KIF16B: variants seen among roughly 807,000 people sequenced by gnomAD.
KIF16B encodes the protein kinesin-like protein KIF16B.
A neutral mutation model predicts 156.3 loss-of-function variants in KIF16B; 98 were observed. The ratio of observed to expected loss-of-function variants is 0.63; its 90% CI spans 0.53 to 0.74. The LOEUF (loss-of-function observed/expected upper bound fraction) is 0.74. KIF16B is among the 30% of genes least tolerant of loss of function. The pLI, the probability that KIF16B is intolerant of heterozygous loss-of-function variation, is 0.00. For synonymous variants in KIF16B, 564 were observed against 583.7 expected (o/e 0.97, Z 0.49); for missense variants, 1,421 against 1,606.5 (o/e 0.88, Z 1.97).
At chr20:16,411,035 C>T (rs189133484) in intron 15 of KIF16B, among the ~76,000 whole-genome samples, 9 of 152,186 alleles carry the variant, frequency 5.9e-5, no homozygotes, top group African/African-American at 9.6e-5. Flanking sequence ...TTGACATACT[C>T]GTCAATAAAT....
chr20:16,533,144 C>A (rs1272962459), intron 1 of KIF16B, among the ~76,000 whole-genome samples: 1 of 152,138 alleles, frequency 6.6e-6, no homozygotes, highest in Non-Finnish European at 1.5e-5. Flanking sequence ...CCCTGAAATC[C>A]TATGTACTGG....
intron 15 of KIF16B, 79 bp downstream of exon 15, chr20:16,427,025 C>A (rs1287955236): frequency 2.8e-5 from 34 of 1,222,830 alleles, no homozygotes; most frequent in Non-Finnish European, 3.7e-5. Flanking sequence ...TTCTAAGATG[C>A]ACATGTTCCC....
intron 25 of KIF16B, among the ~76,000 whole-genome samples, chr20:16,309,092 G>A (rs553191819): frequency 4.9e-4 from 75 of 152,284 alleles, no homozygotes; most frequent in Non-Finnish European, 1.6e-4. Context: ...GCAGTGTAGG[G>A]AGATCTACCC....
At chr20:16,421,305 T>C (rs925335573) in intron 15 of KIF16B, among the ~76,000 whole-genome samples, 3 of 152,202 alleles carry the variant, frequency 2.0e-5, no homozygotes, top group South Asian at 2.1e-4. Context: ...ATGACGTTCA[T>C]ATGCTGTTTT....
At position 16,527,391 on chromosome 20, in the gene KIF16B, T is replaced by C. The variant is rs1024949730; in HGVS notation, c.117+980A>G. 3.3e-5 allele frequency among the ~76,000 whole-genome samples: 5 copies of C among 152,256 alleles called. No homozygotes were observed. The East Asian group carries it at 7.7e-4, about 23-fold the overall frequency. On this transcript the variant is annotated intron_variant, in intron 2 of 25. Transcript: ENST00000354981. The stretch of plus-strand genomic sequence containing the variant: ...ACTCGCACTACTTTGAAATTGGATC[T>C]CAAAGTACCCAATCCTTTGAGCCAT...
intron 1 of KIF16B, among the ~76,000 whole-genome samples, chr20:16,530,540 C>T (rs1354051331): frequency 3.9e-5 from 6 of 152,136 alleles, no homozygotes; most frequent in African/African-American, 1.4e-4. Flanking sequence ...GGCACGCTCC[C>T]CAAGCCCGCA....
chr20:16,354,911 A>G (rs967676908), intron 23 of KIF16B, among the ~76,000 whole-genome samples: 3 of 151,998 alleles, frequency 2.0e-5, no homozygotes, highest in African/African-American at 7.2e-5. Context: ...GCGCCACTGC[A>G]CTCCAGCCTG....
chr20:16,536,985 C>G lies in KIF16B; in HGVS notation c.48-8545G>C, dbSNP rs1005841430. Among the ~76,000 whole-genome samples the G allele has an allele frequency of 3.3e-5, 5 of 152,214 alleles. No individual in the cohort carries two copies. In the South Asian group the frequency reaches 1.0e-3, roughly 32 times the overall value. On this transcript the variant is annotated intron_variant, in intron 1 of 25. Coordinates refer to ENST00000354981, the MANE Select transcript of KIF16B (RefSeq NM_024704.5). ...AGTTACCTAGTCCCTTCCAATCTAC[C>G]ACCTGTTGAACTAGACCAGATCTCC...
intron 25 of KIF16B, among the ~76,000 whole-genome samples, chr20:16,281,587 G>A (rs2063147018): frequency 6.6e-6 from 1 of 152,176 alleles, no homozygotes; most frequent in East Asian, 1.9e-4. Context: ...GAATCCTAAA[G>A]TTTGGCTACA....
At chr20:16,326,104 G>A (rs996065156) in intron 24 of KIF16B, among the ~76,000 whole-genome samples, 5 of 152,100 alleles carry the variant, frequency 3.3e-5, no homozygotes, top group African/African-American at 1.2e-4. Context: ...ACAGGTAGAA[G>A]AATGAAACTG....
chr20:16,493,125 G>C (rs1443417149), intron 12 of KIF16B, among the ~76,000 whole-genome samples: 2 of 152,198 alleles, frequency 1.3e-5, no homozygotes, highest in Non-Finnish European at 2.9e-5. Flanking sequence ...ATCAGGAGAA[G>C]AGAAAAGTCT....
chr20:16,283,228 C>T (rs76634515), intron 25 of KIF16B, among the ~76,000 whole-genome samples: 4,449 of 152,304 alleles, frequency 0.029, 67 homozygotes, highest in Middle Eastern at 0.044. Context: ...TCCACCCCAT[C>T]CTGTTTTCCT....
chr20:16,460,434 A>T (rs2146672156), intron 12 of KIF16B, among the ~76,000 whole-genome samples: 1 of 152,164 alleles, frequency 6.6e-6, no homozygotes, highest in African/African-American at 2.4e-5. Flanking sequence ...AGCCAGGTGT[A>T]GTAGCAGGTG....
chr20:16,386,487 G>A (rs532191980), intron 17 of KIF16B, among the ~76,000 whole-genome samples: 30 of 152,130 alleles, frequency 2.0e-4, no homozygotes, highest in Middle Eastern at 3.4e-3. Context: ...TGAGTGAGAG[G>A]AACCTGGAGA....
chr20:16,513,084 C>T (rs574498334), intron 4 of KIF16B, among the ~76,000 whole-genome samples, 161 bp from the exon 5 acceptor site: 1 of 152,358 alleles, frequency 6.6e-6, no homozygotes, highest in East Asian at 1.9e-4. Context: ...CTGCTTTCTA[C>T]TCTCTGAAAT....
intron 23 of KIF16B, among the ~76,000 whole-genome samples, chr20:16,350,596 T>C (rs1228137914): frequency 6.6e-6 from 1 of 151,354 alleles, no homozygotes; most frequent in Non-Finnish European, 1.5e-5. Flanking sequence ...TCGGACACAA[T>C]CAAGAAGCTC....
At chr20:16,456,435 A>G (rs2067214954) in intron 12 of KIF16B, among the ~76,000 whole-genome samples, 1 of 151,228 alleles carries the variant, frequency 6.6e-6, no homozygotes, top group Admixed American at 6.6e-5. Context: ...TCTTATTCCA[A>G]TTAAGATACA....
At chr20:16,555,160 T>C (rs574751251) in intron 1 of KIF16B, among the ~76,000 whole-genome samples, 23 of 152,302 alleles carry the variant, frequency 1.5e-4, no homozygotes, top group African/African-American at 5.3e-4. Flanking sequence ...ACAATATTCA[T>C]GTAAAACCCT....
At position 16,379,724 on chromosome 20, in the gene KIF16B, T is replaced by C. The variant is rs1303225167; in HGVS notation, c.2278A>G (p.Met760Val). Residue 760 changes from methionine (M) to valine (V), a missense_variant, in exon 19 of 26, where the codon ATG (methionine) becomes GTG (valine). Transcript: ENST00000354981. The part of the protein sequence containing the change: ...RLEEQEKEQV[M>V]LVAHLEEQLR... ...TGCTCTTCCAGATGGGCCACGAGCA[T>C]GACCTGCTCCTTCTCCTGCTCCTCT... is the stretch of plus-strand genomic sequence containing the variant. 1.2e-6 allele frequency: 2 copies of C among 1,614,182 alleles called. No homozygotes were observed. Among genetic ancestry groups the C allele is most frequent in the Non-Finnish European group, 1.7e-6 (2 of 1,180,032 alleles).
Sources: gnomAD v4.1 joint callset for allele counts (sites outside exome capture counted in the v4.1 genomes callset) on GRCh38, gnomAD v4.1.1 for gene constraint, MANE v1.5 for transcripts, NCBI Gene and HGNC (gene_info 2026-07-23, HGNC 2026-07-21) for gene names.